ITIH1: variants seen among roughly 807,000 people sequenced by gnomAD.
ITIH1 encodes inter-alpha-trypsin inhibitor heavy chain H1.
In ITIH1, 94 loss-of-function variants were observed where a neutral mutation model predicts 104.6. The ratio of observed to expected loss-of-function variants is 0.90; its 90% CI spans 0.76 to 1.07. The LOEUF (loss-of-function observed/expected upper bound fraction) is 1.07, where lower values mean the gene tolerates loss of function less well. Among genes scored for constraint, ITIH1 ranks in the 50% least tolerant of loss-of-function variants. The pLI is 0.00. For missense variants in ITIH1, 1,193 were observed against 1,181.4 expected (o/e 1.01, Z -0.14); for synonymous variants, 455 against 464.4 (o/e 0.98, Z 0.26).
chr3:52,779,628 C>T lies in ITIH1; in HGVS notation c.573+34C>T, dbSNP rs755816646. On this transcript the variant is annotated intron_variant, in intron 5 of 21. Coordinates refer to ENST00000273283, the MANE Select transcript of ITIH1 (RefSeq NM_002215.4). This position sits in a 1 kb window ranked among gnomAD's most constrained non-coding sequence, Gnocchi z 4.4. ...CAGGTCCCGGGGCAGGGGTCCTGCC[C>T]CTCTCTCCGTCACCATGGCTCCCAA... 4.3e-6 allele frequency: 7 copies of T among 1,611,378 alleles called. No individual in the cohort carries two copies. Among genetic ancestry groups the T allele is most frequent in the African/African-American group, 1.3e-5 (1 of 74,880 alleles).
intron 19 of ITIH1, 43 bp from the exon 20 acceptor site, chr3:52,790,706 G>T: frequency 6.3e-7 from 1 of 1,590,376 alleles, no homozygotes; most frequent in South Asian, 1.1e-5. Flanking sequence ...GGAGAGGGAT[G>T]CAGTGCAGCC....
chr3:52,789,570 C>A, intron 18 of ITIH1, 83 bp from the exon 19 acceptor site: 1 of 1,239,010 alleles, frequency 8.1e-7, no homozygotes, highest in Non-Finnish European at 1.2e-6. Flanking sequence ...GGCGTAGAGG[C>A]CTCTTAGGAA....
intron 16 of ITIH1, 165 bp from the exon 17 acceptor site, chr3:52,787,821 C>G: frequency 1.1e-6 from 1 of 910,442 alleles, no homozygotes; most frequent in East Asian, 2.4e-5. Flanking sequence ...AAGCTTCTGT[C>G]CCCGTGTCCC....
chr3:52,791,446 A>G (rs1076425), intron 20 of ITIH1, 71 bp from the exon 21 acceptor site: 420,254 of 1,244,200 alleles, frequency 0.34, 73,758 homozygotes, highest in Admixed American at 0.49. Flanking sequence ...CCCCGCAGTG[A>G]GCACCTGCTG....
rs1469961844 is a variant in ITIH1 at position 52,791,585 on chromosome 3, G to T, written c.2563G>T (p.Asp855Tyr). 6.2e-7 allele frequency: 1 copy of T among 1,614,146 alleles called. No homozygotes were observed. The highest frequency in any genetic ancestry group is 1.1e-5 in the South Asian group (1 of 91,080). Residue 855 changes from aspartate (D) to tyrosine (Y), a missense_variant, in exon 21 of 22, where the codon GAT (aspartate) becomes TAT (tyrosine). Transcript: ENST00000273283. ...IHPGSDPTKP[D>Y]ATMVVRNRRL... is the part of the protein sequence containing the mutation. Reference sequence around the variant, plus strand: ...CCCAGGCTCTGACCCCACAAAGCCAGATGCCACGATGGTGGTGAGGAACCG... The same window carrying T: ...CCCAGGCTCTGACCCCACAAAGCCATATGCCACGATGGTGGTGAGGAACCG...
intron 19 of ITIH1, 180 bp from the exon 20 acceptor site, chr3:52,790,569 G>A: frequency 1.6e-6 from 1 of 632,740 alleles, no homozygotes; most frequent in Non-Finnish European, 2.8e-6. Context: ...CTGGCACATT[G>A]CAAGGGCCCC....
intron 18 of ITIH1, among the ~76,000 whole-genome samples, 161 bp from the exon 19 acceptor site, chr3:52,789,492 G>A (rs1699290955): frequency 6.6e-6 from 1 of 152,192 alleles, no homozygotes; most frequent in Non-Finnish European, 1.5e-5. Context: ...GAGAGGTGGT[G>A]CTGTGTGCGG....
At chr3:52,790,449 A>G (rs1344426239) in intron 19 of ITIH1, 1 of 354,412 alleles carries the variant, frequency 2.8e-6, no homozygotes, top group Non-Finnish European at 5.2e-6. Flanking sequence ...TCCACTGCTT[A>G]CCAGCTGTGC....
At chr3:52,784,095 G>A (rs1278835881) in intron 10 of ITIH1, among the ~76,000 whole-genome samples, 1 of 152,150 alleles carries the variant, frequency 6.6e-6, no homozygotes, top group Non-Finnish European at 1.5e-5. Flanking sequence ...CACCTAGATG[G>A]GCGGGGTCTG....
At chr3:52,789,902 G>A in intron 19 of ITIH1, 48 bp downstream of exon 19, 2 of 1,584,358 alleles carry the variant, frequency 1.3e-6, no homozygotes, top group Non-Finnish European at 1.7e-6. Context: ...TGTGGCCTGG[G>A]CCCAGGACTC....
At position 52,791,647 on chromosome 3, in the gene ITIH1, CA is replaced by C; in HGVS notation, c.2606+20del. 6.2e-7 allele frequency: 1 copy of C among 1,612,462 alleles called. No individual in the cohort carries two copies. The highest frequency in any genetic ancestry group is 1.3e-5 in the African/African-American group (1 of 75,030). On this transcript the variant is annotated intron_variant, in intron 21 of 21. Transcript: ENST00000273283. ...TCACCAGGTGGGTGGGCTGCTTGCC[CA>C]GCACGTCTGCCCTCGGCCACTTTGT... is the stretch of plus-strand genomic sequence containing the variant.
At chr3:52,788,195 G>A (rs757026413) in intron 17 of ITIH1, 37 bp from the exon 18 acceptor site, 38 of 1,550,436 alleles carry the variant, frequency 2.5e-5, no homozygotes, top group Middle Eastern at 3.4e-4. Context: ...CCATCTGCCC[G>A]ATGTCCAATC....
At chr3:52,777,798 C>G (rs553963293) in intron 1 of ITIH1, 66 bp downstream of exon 1, 2 of 1,448,268 alleles carry the variant, frequency 1.4e-6, no homozygotes, top group Admixed American at 3.6e-5. Context: ...GGGCGGGACA[C>G]AAGACCCCCA....
intron 10 of ITIH1, among the ~76,000 whole-genome samples, chr3:52,783,888 G>T (rs2154108428): frequency 6.6e-6 from 1 of 152,058 alleles, no homozygotes. Flanking sequence ...AGGGGAGAGT[G>T]GCAGGAAGGG....
At position 52,779,423 on chromosome 3, in the gene ITIH1, C is replaced by T. The variant is rs769355482; in HGVS notation, c.411-9C>T. On this transcript the variant is annotated splice_polypyrimidine_tract_variant and intron_variant, in intron 4 of 21. Transcript: ENST00000273283. The surrounding 1 kb of genome is among the most constrained non-coding windows in gnomAD (Gnocchi z 4.4). ...GTCTGTCTGCTGTTGCCTCTGGTGG[C>T]ACATCCAGGGCCTCGGGGAGAACTA... The T allele has an allele frequency of 1.2e-6, 2 of 1,614,172 alleles. No individual in the cohort carries two copies. Among genetic ancestry groups the T allele is most frequent in the Non-Finnish European group, 1.7e-6 (2 of 1,179,998 alleles).
At chr3:52,788,824 G>A (rs1178705520) in intron 18 of ITIH1, among the ~76,000 whole-genome samples, 1 of 152,200 alleles carries the variant, frequency 6.6e-6, no homozygotes, top group Non-Finnish European at 1.5e-5. Flanking sequence ...GCCTCCCAAA[G>A]TGCTGGGATT....
At position 52,779,006 on chromosome 3, in the gene ITIH1, C is replaced by T. The variant is rs777276813; in HGVS notation, c.370C>T (p.Arg124Trp). The change falls in exon 4 of 22, where the codon CGG becomes TGG. Residue 124 changes from arginine (R) to tryptophan (W), a missense_variant. Arg to Trp is a moderately radical substitution (Grantham distance 101). Transcript: ENST00000273283. This position sits in a 1 kb window ranked among gnomAD's most constrained non-coding sequence, Gnocchi z 4.4. ...CAAGGTGACTGCATGGAAGCAGTAC[C>T]GGAAAGCAGCTATCTCAGGAGAGAA... ...KDKVTAWKQY[R>W]KAAISGENAG... 2.9e-5 allele frequency: 47 copies of T among 1,613,870 alleles called. 1 individual carries two copies. Among genetic ancestry groups the T allele is most frequent in the South Asian group, 1.9e-4 (17 of 91,080 alleles).
At chr3:52,784,244 C>T (rs1699139462) in intron 10 of ITIH1, 52 bp from the exon 11 acceptor site, 1 of 1,533,984 alleles carries the variant, frequency 6.5e-7, no homozygotes, top group Non-Finnish European at 8.9e-7. Context: ...CCCTCGTGCC[C>T]CACATGCCTG....
chr3:52,787,788 G>C, intron 16 of ITIH1, 176 bp downstream of exon 16: 3 of 911,486 alleles, frequency 3.3e-6, no homozygotes, highest in Non-Finnish European at 5.4e-6. Context: ...GACAGAGAGG[G>C]GGCCAGCTAA....
Sources: allele counts gnomAD v4.1 joint callset (sites outside exome capture counted in the v4.1 genomes callset), GRCh38; gene constraint gnomAD v4.1.1; non-coding constraint Gnocchi (gnomAD v3.1); transcripts MANE v1.5; gene names NCBI Gene and HGNC (gene_info 2026-07-23, HGNC 2026-07-21).